SLC9B2: variants seen among roughly 807,000 people sequenced by gnomAD.
SLC9B2 encodes solute carrier family 9 member B2.
A neutral mutation model predicts 52.2 loss-of-function variants in SLC9B2; 39 were observed. The observed-to-expected ratio is 0.75, with a 90% CI of 0.58 to 0.98. SLC9B2 has a LOEUF of 0.98. SLC9B2 is among the 50% of genes least tolerant of loss of function. The probability of loss-of-function intolerance (pLI) is 0.00; values close to 1 mark genes in which losing one functional copy is unlikely to be tolerated. For missense variants in SLC9B2, 626 were observed against 637.5 expected, an observed-to-expected ratio of 0.98 and a Z score of 0.19; for synonymous variants, 214 against 227.0, an observed-to-expected ratio of 0.94 and a Z score of 0.51.
At chr4:103,030,963 A>G (rs1180930646) in intron 10 of SLC9B2, among the ~76,000 whole-genome samples, 1 of 152,146 alleles carries the variant, frequency 6.6e-6, no homozygotes, top group East Asian at 1.9e-4. Context: ...CGCTTAGCAT[A>G]ATGTTCTCAA....
intron 4 of SLC9B2, among the ~76,000 whole-genome samples, chr4:103,057,289 C>CACAT (rs1553917197): frequency 2.1e-5 from 3 of 145,770 alleles, no homozygotes; most frequent in African/African-American, 7.8e-5. Context: ...CACACACACA[C>CACAT]ATATATACAC....
At chr4:103,038,601 T>G (rs572768394) in intron 9 of SLC9B2, among the ~76,000 whole-genome samples, 43 of 152,272 alleles carry the variant, frequency 2.8e-4, no homozygotes, top group Admixed American at 2.4e-3. Context: ...TTAAGGCCAT[T>G]TGACACATTT....
intron 6 of SLC9B2, 151 bp from the exon 7 acceptor site, chr4:103,047,377 ATTG>A: frequency 2.7e-6 from 2 of 727,776 alleles, no homozygotes; most frequent in South Asian, 2.5e-5. Context: ...TTTAATAAGA[ATTG>A]TTTTTTGTTT....
At chr4:103,052,608 T>C (rs1744785196) in intron 4 of SLC9B2, among the ~76,000 whole-genome samples, 1 of 152,094 alleles carries the variant, frequency 6.6e-6, no homozygotes, top group South Asian at 2.1e-4. Context: ...TCTAAGCCAC[T>C]CCTAAATTAA....
chr4:103,034,291 A>G (rs1742965539), intron 9 of SLC9B2, among the ~76,000 whole-genome samples: 1 of 152,184 alleles, frequency 6.6e-6, no homozygotes, highest in South Asian at 2.1e-4. Context: ...CTTACAACGT[A>G]TACAAAAATA....
At chr4:103,019,095 G>A (rs1741591930), downstream of SLC9B2, among the ~76,000 whole-genome samples, 1 of 152,164 alleles carries the variant, frequency 6.6e-6, no homozygotes, top group Admixed American at 6.5e-5. Context: ...GGGGACTGCT[G>A]GAAGTGCTTG....
chr4:103,066,482 C>T lies in SLC9B2; in HGVS notation c.116G>A (p.Gly39Asp). The change falls in exon 3 of 12, where the codon GGT becomes GAT. Residue 39 changes from glycine (G) to aspartate (D), a missense_variant. Transcript: ENST00000394785. ...TTCTGTTGGTTCATTTGCATCTATA[C>T]CTTTGAGCTTCATAACTGTCTCCTC... ...AQEETVMKLK[G>D]IDANEPTEGS... 1 of 1,613,776 alleles carries T rather than the reference C, an allele frequency of 6.2e-7. No homozygotes were observed. Among genetic ancestry groups the T allele is most frequent in the South Asian group, 1.1e-5 (1 of 91,052 alleles).
At chr4:103,033,824 A>G (rs958161364) in intron 9 of SLC9B2, among the ~76,000 whole-genome samples, 1 of 152,194 alleles carries the variant, frequency 6.6e-6, no homozygotes, top group Admixed American at 6.5e-5. Flanking sequence ...CCCAAATGGA[A>G]AAACATACCA....
Position 103,057,791 on chromosome 4 carries a change from T to C in SLC9B2, c.442+10A>G, listed in dbSNP as rs762817974. 1 of 1,611,912 alleles carries C rather than the reference T, an allele frequency of 6.2e-7. No homozygotes were observed. Among genetic ancestry groups the C allele is most frequent in the South Asian group, 1.1e-5 (1 of 90,496 alleles). On this transcript the variant is annotated intron_variant, in intron 4 of 11. Coordinates refer to ENST00000394785, the MANE Select transcript of SLC9B2 (RefSeq NM_178833.7). Reference sequence around the variant, plus strand: ...TACTCTGGATAGAACAGGAAACATTTAGCACTTACCAAGAAGAGAAGGCAG... The same window carrying C: ...TACTCTGGATAGAACAGGAAACATTCAGCACTTACCAAGAAGAGAAGGCAG...
chr4:103,063,954 A>T (rs1027367580), intron 3 of SLC9B2, among the ~76,000 whole-genome samples: 3 of 152,262 alleles, frequency 2.0e-5, no homozygotes, highest in Non-Finnish European at 4.4e-5. Context: ...ATTTCACCTC[A>T]TGCCTGTCAG....
intron 3 of SLC9B2, among the ~76,000 whole-genome samples, chr4:103,066,036 T>A (rs1156748563): frequency 6.6e-6 from 1 of 152,238 alleles, no homozygotes; most frequent in Non-Finnish European, 1.5e-5. Flanking sequence ...CCTGTGAAAT[T>A]ACTCAGATAT....
chr4:103,075,934 A>G (rs1202084566), intron 1 of SLC9B2, among the ~76,000 whole-genome samples: 1 of 152,186 alleles, frequency 6.6e-6, no homozygotes, highest in African/African-American at 2.4e-5. Flanking sequence ...GATGATTCTT[A>G]GCACCTCGAG....
chr4:103,063,791 T>C (rs1003232520), intron 3 of SLC9B2, among the ~76,000 whole-genome samples: 1 of 152,164 alleles, frequency 6.6e-6, no homozygotes, highest in Non-Finnish European at 1.5e-5. Context: ...GCAAACTATG[T>C]ACCTGGCAAG....
chr4:103,052,189 C>T (rs1744748118), intron 4 of SLC9B2, among the ~76,000 whole-genome samples: 1 of 152,224 alleles, frequency 6.6e-6, no homozygotes, highest in Admixed American at 6.5e-5. Flanking sequence ...AAGCTTTCCA[C>T]CTCAGATCAT....
intron 2 of SLC9B2, 50 bp from the exon 3 acceptor site, chr4:103,066,557 CATATTT>C: frequency 6.5e-7 from 1 of 1,531,824 alleles, no homozygotes; most frequent in Non-Finnish European, 8.8e-7. Flanking sequence ...ATATTTTACA[CATATTT>C]ATAGGTACTG....
At chr4:103,040,309 G>A (rs1743524843) in intron 9 of SLC9B2, among the ~76,000 whole-genome samples, 1 of 152,158 alleles carries the variant, frequency 6.6e-6, no homozygotes, top group Non-Finnish European at 1.5e-5. Context: ...AATGAAAGTA[G>A]AAGGACTAAA....
In SLC9B2 at chr4:103,075,294, C is replaced by T. The variant is rs564787940; in HGVS notation, c.-43+890G>A. Among the ~76,000 whole-genome samples, 6 of 152,226 alleles carry T rather than the reference C, an allele frequency of 3.9e-5. No homozygotes were observed. The East Asian group carries it at 9.7e-4, about 25-fold the overall frequency. On this transcript the variant is annotated intron_variant, in intron 1 of 11. Coordinates refer to ENST00000394785, the MANE Select transcript of SLC9B2 (RefSeq NM_178833.7). The stretch of plus-strand genomic sequence containing the variant: ...CCTCCGGAATAGCTGGAATTACGGG[C>T]GTGCACCACCATGCCCAGCTAATTT...
Position 103,067,563 on chromosome 4 carries a change from AGAAGATGACACAGG to A in SLC9B2, c.-27_-14del. 1 of 1,578,378 alleles carries A rather than the reference AGAAGATGACACAGG, an allele frequency of 6.3e-7. No homozygotes were observed. Among genetic ancestry groups the A allele is most frequent in the South Asian group, 1.1e-5 (1 of 90,346 alleles). On this transcript the variant is annotated 5_prime_UTR_variant, in exon 2 of 12. Transcript: ENST00000394785. ...CTTCATCCCCCATTATTTATAATTA[AGAAGATGACACAGG>A]GAAGAGGAACGAGATCTGTTTTGAA...
chr4:103,047,949 T>C (rs1054951293), intron 6 of SLC9B2, among the ~76,000 whole-genome samples: 2 of 152,206 alleles, frequency 1.3e-5, no homozygotes, highest in Non-Finnish European at 2.9e-5. Flanking sequence ...ATTAGTGGTA[T>C]AGAAGGCCTA....
Sources: gnomAD v4.1 joint callset for allele counts (sites outside exome capture counted in the v4.1 genomes callset) on GRCh38, gnomAD v4.1.1 for gene constraint, MANE v1.5 for transcripts, NCBI Gene and HGNC (gene_info 2026-07-23, HGNC 2026-07-21) for gene names.